The following PRKN variants were observed in gnomAD, a reference collection of about 807,000 sequenced individuals.
PRKN encodes parkin RBR E3 ubiquitin protein ligase, also known as E3 ubiquitin-protein ligase parkin.
In PRKN, 56 loss-of-function variants were observed where a neutral mutation model predicts 59.5. That is an observed-to-expected ratio of 0.94 (90% CI 0.76 to 1.18). The LOEUF is 1.18. Ranked by LOEUF, PRKN falls within the 50% of genes most tolerant of loss-of-function variation. PRKN has a pLI of 0.00. For synonymous variants in PRKN, 250 were observed against 222.1 expected (o/e 1.13, Z -1.12); for missense variants, 657 against 596.4 (o/e 1.10, Z -1.06).
Position 161,484,456 on chromosome 6 carries a change from C to T in PRKN, c.1083+64398G>A, listed in dbSNP as rs1456055672. On this transcript the variant is annotated intron_variant, in intron 9 of 11. Coordinates refer to ENST00000366898, the MANE Select transcript of PRKN (RefSeq NM_004562.3). This position sits in a 1 kb window ranked among gnomAD's most constrained non-coding sequence, Gnocchi z 4.9. ...TACGTGTTAGGGAGCGTCCCAAGTG[C>T]TTAGTAAGCATCGATTAGTTTCATT... 6.6e-6 allele frequency among the ~76,000 whole-genome samples: 1 copy of T among 152,118 alleles called. No homozygotes were observed. Among genetic ancestry groups the T allele is most frequent in the African/African-American group, 2.4e-5 (1 of 41,432 alleles).
intron 4 of PRKN, among the ~76,000 whole-genome samples, chr6:162,145,037 C>G (rs1781963033): frequency 6.6e-6 from 1 of 151,840 alleles, no homozygotes; most frequent in African/African-American, 2.4e-5. Flanking sequence ...TAAGAGAGAT[C>G]ACAGATTAAA....
intron 6 of PRKN, among the ~76,000 whole-genome samples, chr6:161,813,301 C>T (rs7739802): frequency 0.53 from 79,911 of 151,854 alleles, 21,148 homozygotes; most frequent in Middle Eastern, 0.58. Context: ...TTTGCCCAAC[C>T]TCCAGTCTCA....
intron 2 of PRKN, chr6:162,271,572 G>T (rs1780396958): frequency 6.6e-6 from 1 of 152,028 alleles, no homozygotes; most frequent in African/African-American, 2.4e-5. Flanking sequence ...TTATTTAAAG[G>T]TGTTTTTTAA....
intron 1 of PRKN, chr6:162,624,544 C>T (rs1249194618): frequency 6.6e-6 from 1 of 152,146 alleles, no homozygotes; most frequent in African/African-American, 2.4e-5. Context: ...GTGCTCACTT[C>T]CACAGCAGAC....
intron 4 of PRKN, among the ~76,000 whole-genome samples, chr6:162,145,272 A>G (rs1781972972): frequency 6.6e-6 from 1 of 152,150 alleles, no homozygotes; most frequent in Non-Finnish European, 1.5e-5. Flanking sequence ...AACAGTTCGT[A>G]CCAGTGTTCA....
intron 2 of PRKN, among the ~76,000 whole-genome samples, chr6:162,377,112 T>G (rs1192483377): frequency 6.6e-6 from 1 of 152,068 alleles, no homozygotes; most frequent in Non-Finnish European, 1.5e-5. Context: ...TGGAGGGTGA[T>G]GCTTTTTGTT....
intron 9 of PRKN, among the ~76,000 whole-genome samples, chr6:161,505,642 G>A (rs1163865154): frequency 6.7e-6 from 1 of 150,338 alleles, no homozygotes; most frequent in Non-Finnish European, 1.5e-5. Flanking sequence ...TTTCTTCTAG[G>A]GTTTTTATGG....
At chr6:162,488,903 T>G (rs4709632) in intron 1 of PRKN, among the ~76,000 whole-genome samples, 47,305 of 151,950 alleles carry the variant, frequency 0.31, 7,645 homozygotes, top group East Asian at 0.49. Context: ...AAACTGAAAT[T>G]AGAACTCTGA....
In PRKN at chr6:161,347,847, AC is replaced by A; in HGVS notation, c.*2251del. 6.5e-6 allele frequency: 1 copy of A among 152,998 alleles called. No individual in the cohort carries two copies. Among genetic ancestry groups the A allele is most frequent in the East Asian group, 1.9e-4 (1 of 5,386 alleles). The allele number at this position is 152,998 out of a possible 1,614,324, so 9.5% of individuals were successfully genotyped here. On this transcript the variant is annotated 3_prime_UTR_variant, in exon 12 of 12. Coordinates refer to ENST00000366898, the MANE Select transcript of PRKN (RefSeq NM_004562.3). Reference sequence around the variant, plus strand: ...TGGCCAGGCTGGTCTTGAACTCCTGACCTCGTGATCCACCCACCTCGGCCTC... The same window carrying A: ...TGGCCAGGCTGGTCTTGAACTCCTGACTCGTGATCCACCCACCTCGGCCTC...
At chr6:162,104,447 A>C (rs895700776) in intron 4 of PRKN, among the ~76,000 whole-genome samples, 3 of 152,198 alleles carry the variant, frequency 2.0e-5, no homozygotes, top group Non-Finnish European at 2.9e-5. Flanking sequence ...GAGGTAAGTA[A>C]ATAACATGAA....
chr6:161,866,805 TG>T (rs1330004987), intron 6 of PRKN, among the ~76,000 whole-genome samples: 2 of 152,006 alleles, frequency 1.3e-5, no homozygotes, highest in African/African-American at 4.8e-5. Context: ...TGGGAGGATG[TG>T]GGGTAAGGAC....
rs578019524 is a variant in PRKN, at chr6:162,004,157, A to G, written c.619-30740T>C. 3.9e-5 allele frequency among the ~76,000 whole-genome samples: 6 copies of G among 152,298 alleles called. No homozygotes were observed. In the East Asian group the frequency reaches 1.2e-3, roughly 29 times the overall value. On this transcript the variant is annotated intron_variant, in intron 5 of 11. Transcript: ENST00000366898. ...ACCGGATCATGTGGTTGAATTTATC[A>G]TGAATGACTTAGCACTATCCCACTT...
At chr6:161,626,136 G>A (rs1424577827) in intron 7 of PRKN, among the ~76,000 whole-genome samples, 3 of 152,226 alleles carry the variant, frequency 2.0e-5, no homozygotes, top group East Asian at 1.9e-4. Context: ...TGTATTCCTC[G>A]CCGTGCACAC....
Position 161,385,168 on chromosome 6 carries a change from T to A in PRKN, c.1167+1626A>T, listed in dbSNP as rs1480833123. On this transcript the variant is annotated intron_variant, in intron 10 of 11. Coordinates refer to ENST00000366898, the MANE Select transcript of PRKN (RefSeq NM_004562.3). The surrounding 1 kb of genome is among the most constrained non-coding windows in gnomAD (Gnocchi z 4.9). ...TGATCTCAATCTCTTGACCTCATGA[T>A]CCGCCCACCTCGGCCTCCCAAAGTG... Among the ~76,000 whole-genome samples, 1 of 151,546 alleles carries A rather than the reference T, an allele frequency of 6.6e-6. No homozygotes were observed. The highest frequency in any genetic ancestry group is 1.9e-4 in the East Asian group (1 of 5,174).
At chr6:162,689,524 G>A (rs958211150) in intron 1 of PRKN, among the ~76,000 whole-genome samples, 18 of 152,178 alleles carry the variant, frequency 1.2e-4, no homozygotes, top group African/African-American at 3.6e-4. Flanking sequence ...TACTGGGTAC[G>A]ATTATGTTGT....
intron 4 of PRKN, among the ~76,000 whole-genome samples, chr6:162,193,439 ATACT>A (rs1784370958): frequency 6.6e-6 from 1 of 152,156 alleles, no homozygotes; most frequent in East Asian, 1.9e-4. Context: ...CTTTGATAAA[ATACT>A]TACTCAGTCC....
intron 6 of PRKN, among the ~76,000 whole-genome samples, chr6:161,827,982 T>C (rs756749186): frequency 2.6e-5 from 4 of 152,200 alleles, no homozygotes; most frequent in Non-Finnish European, 4.4e-5. Context: ...GCTCATGAAT[T>C]TGAAATTATA....
intron 7 of PRKN, among the ~76,000 whole-genome samples, chr6:161,687,836 G>T (rs995453510): frequency 2.0e-5 from 3 of 152,062 alleles, no homozygotes; most frequent in African/African-American, 7.2e-5. Context: ...CTTTCAAATG[G>T]AAACCTTGAC....
chr6:162,114,036 A>G (rs1248915149), intron 4 of PRKN, among the ~76,000 whole-genome samples: 10 of 150,108 alleles, frequency 6.7e-5, no homozygotes, highest in African/African-American at 2.2e-4. Context: ...GATATGTGGC[A>G]TTATTTCTGA....
Sources: allele counts gnomAD v4.1 joint callset (sites outside exome capture counted in the v4.1 genomes callset), GRCh38; gene constraint gnomAD v4.1.1; non-coding constraint Gnocchi (gnomAD v3.1); transcripts MANE v1.5; gene names NCBI Gene and HGNC (gene_info 2026-07-23, HGNC 2026-07-21).